The following BMAL2 variants were observed in gnomAD, a reference collection of about 807,000 sequenced individuals.
BMAL2 encodes the protein basic helix-loop-helix ARNT-like protein 2.
the BMAL2 span, among the ~76,000 whole-genome samples, chr12:27,391,950 G>A: frequency 2.6e-5 from 4 of 152,190 alleles, no homozygotes; most frequent in African/African-American, 9.7e-5. Flanking sequence ...GAGGTGAAGA[G>A]GCTGTGGAAT....
At chr12:27,332,947 C>A in the BMAL2 span, 2 of 717,264 alleles carry the variant, frequency 2.8e-6, no homozygotes, top group African/African-American at 3.8e-5. Context: ...GCCGCGGCAC[C>A]CGGCAGGGCC....
chr12:27,334,860 T>C, the BMAL2 span, among the ~76,000 whole-genome samples: 1 of 152,242 alleles, frequency 6.6e-6, no homozygotes, highest in African/African-American at 2.4e-5. Flanking sequence ...AACAGCGTTG[T>C]GAGGTAGGTA....
chr12:27,357,677 C>T, the BMAL2 span, among the ~76,000 whole-genome samples: 1 of 152,120 alleles, frequency 6.6e-6, no homozygotes, highest in African/African-American at 2.4e-5. Flanking sequence ...GGCACACAAA[C>T]CGAAGGAACA....
At chr12:27,396,588 G>A in the BMAL2 span, among the ~76,000 whole-genome samples, 1 of 152,170 alleles carries the variant, frequency 6.6e-6, no homozygotes, top group Admixed American at 6.5e-5. Flanking sequence ...CAGACACACA[G>A]CGAGGGAGTG....
the BMAL2 span, chr12:27,332,921 G>GGCTGCGGTGGCGGCC: frequency 2.6e-6 from 1 of 388,684 alleles, no homozygotes; most frequent in Non-Finnish European, 3.8e-6. Context: ...CGCGCCTACG[G>GGCTGCGGTGGCGGCC]GCTGCGGTGG....
the BMAL2 span, among the ~76,000 whole-genome samples, chr12:27,382,612 C>T: frequency 1.1e-4 from 16 of 152,160 alleles, no homozygotes; most frequent in African/African-American, 3.6e-4. Flanking sequence ...CCAGATCCTT[C>T]GGTCAGTGCT....
the BMAL2 span, chr12:27,400,695 A>C: frequency 6.2e-7 from 1 of 1,613,874 alleles, no homozygotes; most frequent in Non-Finnish European, 8.5e-7. Flanking sequence ...TCCACAGAAC[A>C]GTGGAGAGAT....
chr12:27,338,948 C>G, the BMAL2 span, among the ~76,000 whole-genome samples: 3 of 152,132 alleles, frequency 2.0e-5, no homozygotes, highest in South Asian at 6.2e-4. Context: ...AAGGGAACTA[C>G]TACTATCTTT....
At chr12:27,354,694 C>A in the BMAL2 span, among the ~76,000 whole-genome samples, 1 of 152,168 alleles carries the variant, frequency 6.6e-6, no homozygotes, top group Non-Finnish European at 1.5e-5. Context: ...TAAGTGACTT[C>A]CATATTTACG....
chr12:27,380,364 A>C, the BMAL2 span: 8 of 1,614,204 alleles, frequency 5.0e-6, no homozygotes, highest in Non-Finnish European at 6.8e-6. Context: ...ACAAACTTAC[A>C]GTTTTAAGAA....
the BMAL2 span, among the ~76,000 whole-genome samples, chr12:27,373,596 A>G: frequency 6.6e-6 from 1 of 152,280 alleles, no homozygotes; most frequent in Middle Eastern, 3.4e-3. Context: ...GATGAGGGGA[A>G]GCCTGCCCAG....
At chr12:27,340,781 CTT>C in the BMAL2 span, among the ~76,000 whole-genome samples, 6 of 152,108 alleles carry the variant, frequency 3.9e-5, no homozygotes, top group Non-Finnish European at 8.8e-5. Flanking sequence ...TCTCTGATTT[CTT>C]TGAGCAGTGT....
At chr12:27,423,462 G>GACCACAGGCGCCCGCCACC in the BMAL2 span, 1 of 151,620 alleles carries the variant, frequency 6.6e-6, no homozygotes, top group African/African-American at 2.4e-5. Context: ...GAGCAGCTGG[G>GACCACAGGCGCCCGCCACC]ACCACAGGCG....
the BMAL2 span, among the ~76,000 whole-genome samples, chr12:27,392,558 T>C: frequency 6.6e-6 from 1 of 152,036 alleles, no homozygotes; most frequent in Middle Eastern, 3.2e-3. Flanking sequence ...CAGAATGTGG[T>C]ATGTTTTACT....
the BMAL2 span, chr12:27,333,119 G>A: frequency 1.7e-6 from 2 of 1,205,002 alleles, no homozygotes; most frequent in South Asian, 8.3e-5. Context: ...GTTGCCGGTG[G>A]CGAGGCGACG....
At chr12:27,381,189 C>G in the BMAL2 span, among the ~76,000 whole-genome samples, 7 of 152,102 alleles carry the variant, frequency 4.6e-5, no homozygotes, top group African/African-American at 1.7e-4. Flanking sequence ...GCCACTGCCT[C>G]TTGGTGTGTG....
chr12:27,333,085 G>A, the BMAL2 span: 5 of 1,205,942 alleles, frequency 4.1e-6, no homozygotes, highest in Non-Finnish European at 5.2e-6. Flanking sequence ...GGCGGCGGAA[G>A]AGGAGGCTGC....
chr12:27,424,606 G>A, the BMAL2 span: 1 of 152,202 alleles, frequency 6.6e-6, no homozygotes, highest in Non-Finnish European at 1.5e-5. Flanking sequence ...ACAAGAAATA[G>A]CCAATATTTA....
the BMAL2 span, among the ~76,000 whole-genome samples, chr12:27,363,311 T>C: frequency 6.6e-6 from 1 of 152,206 alleles, no homozygotes; most frequent in Non-Finnish European, 1.5e-5. Flanking sequence ...TGTCAGCTAA[T>C]ACACAGTAAG....
Sources: allele counts gnomAD v4.1 joint callset (sites outside exome capture counted in the v4.1 genomes callset), GRCh38; gene constraint gnomAD v4.1.1; transcripts MANE v1.5; gene names NCBI Gene and HGNC (gene_info 2026-07-23, HGNC 2026-07-21).